RHBDL3: variants seen among roughly 807,000 people sequenced by gnomAD.
RHBDL3 encodes rhomboid like 3.
RHBDL3 carries 28 observed loss-of-function variants against 48.2 expected under a neutral mutation model. That is an observed-to-expected ratio of 0.58 (90% CI 0.43 to 0.80). RHBDL3 has a LOEUF of 0.80. Ranked by LOEUF, RHBDL3 falls within the 30% of genes least tolerant of loss-of-function variation. The probability of loss-of-function intolerance (pLI) is 0.00; values close to 1 mark genes in which losing one functional copy is unlikely to be tolerated. For missense variants in RHBDL3, 464 were observed against 542.7 expected (o/e 0.85, Z 1.44); for synonymous variants, 208 against 232.3 (o/e 0.90, Z 0.95).
In RHBDL3 at chr17:32,321,438, C is replaced by A; in HGVS notation, c.*209C>A. 1 of 1,424,944 alleles carries A rather than the reference C, an allele frequency of 7.0e-7. No individual in the cohort carries two copies. The highest frequency in any genetic ancestry group is 9.4e-7 in the Non-Finnish European group (1 of 1,059,126). The allele number at this position is 1,424,944 out of a possible 1,614,324, so 88.3% of individuals were successfully genotyped here. A position where few individuals can be genotyped will look rare whatever the true frequency, so the allele number is the denominator to read the frequency against. On this transcript the variant is annotated 3_prime_UTR_variant, in exon 9 of 9. Coordinates refer to ENST00000269051, the MANE Select transcript of RHBDL3 (RefSeq NM_138328.3). ...GCGGAGGAGTTGATGTGGCTGCTGT[C>A]GTTTTTCTCGGCTGCTCTGATGACA...
At chr17:32,284,414 T>G (rs952409219) in intron 2 of RHBDL3, 2 of 461,202 alleles carry the variant, frequency 4.3e-6, no homozygotes, top group Non-Finnish European at 7.7e-6. Context: ...TTAACCTCTC[T>G]GAGCCTCAGT....
chr17:32,267,583 T>G (rs2039667707), intron 1 of RHBDL3: 2 of 176,222 alleles, frequency 1.1e-5, no homozygotes. Flanking sequence ...TTGGACATAT[T>G]TGGACGCCTT....
intron 4 of RHBDL3, 29 bp downstream of exon 4, chr17:32,289,045 T>C: frequency 1.2e-6 from 2 of 1,601,454 alleles, no homozygotes; most frequent in Non-Finnish European, 1.7e-6. Context: ...AGGGGGTTGC[T>C]CTGCCTTGGG....
chr17:32,276,883 C>T (rs535138012), intron 2 of RHBDL3, among the ~76,000 whole-genome samples: 55 of 103,648 alleles, frequency 5.3e-4, no homozygotes, highest in African/African-American at 3.7e-3. Context: ...GTACTGCGGC[C>T]CTAGCACCTT....
intron 6 of RHBDL3, 136 bp downstream of exon 6, chr17:32,298,340 C>G (rs2040503483): frequency 1.7e-6 from 1 of 586,920 alleles, no homozygotes; most frequent in Admixed American, 3.0e-5. Flanking sequence ...CTTAACCAGG[C>G]TGTCCTCCAG....
At chr17:32,282,813 G>A (rs1257862862) in intron 2 of RHBDL3, among the ~76,000 whole-genome samples, 2 of 152,004 alleles carry the variant, frequency 1.3e-5, no homozygotes, top group Non-Finnish European at 2.9e-5. Flanking sequence ...TATTACAGAC[G>A]GGGTTTCACC....
chr17:32,299,895 G>A (rs142566279), intron 6 of RHBDL3, among the ~76,000 whole-genome samples: 1,739 of 152,340 alleles, frequency 0.011, 13 homozygotes, highest in Middle Eastern at 0.02. Flanking sequence ...CCATGATTGA[G>A]TTGATTGATC....
chr17:32,274,097 G>T (rs1230531396), intron 2 of RHBDL3, among the ~76,000 whole-genome samples: 2 of 152,192 alleles, frequency 1.3e-5, no homozygotes, highest in African/African-American at 4.8e-5. Flanking sequence ...ACCATATCAG[G>T]CTGCCTGCTT....
intron 7 of RHBDL3, 145 bp from the exon 8 acceptor site, chr17:32,316,087 T>A (rs2040966004): frequency 1.5e-6 from 1 of 661,318 alleles, no homozygotes; most frequent in East Asian, 2.6e-5. Flanking sequence ...CTCAAAGCCA[T>A]GTGGTGTGTT....
intron 4 of RHBDL3, among the ~76,000 whole-genome samples, chr17:32,294,057 G>C (rs2040393945): frequency 6.6e-6 from 1 of 151,830 alleles, no homozygotes; most frequent in Non-Finnish European, 1.5e-5. Flanking sequence ...GAACCCAGGA[G>C]GTGGAGGTTG....
At chr17:32,310,883 CAAAAAAA>C (rs11348841) in intron 7 of RHBDL3, among the ~76,000 whole-genome samples, 7 of 55,554 alleles carry the variant, frequency 1.3e-4, no homozygotes, top group Non-Finnish European at 2.1e-4. Context: ...GGCTCCATCT[CAAAAAAA>C]AAAAAAAAAA....
intron 2 of RHBDL3, among the ~76,000 whole-genome samples, chr17:32,276,795 C>CA (rs1567763618): frequency 2.0e-5 from 2 of 101,826 alleles, no homozygotes; most frequent in African/African-American, 1.5e-4. Flanking sequence ...GGCCCTAGCA[C>CA]CTTACTCCGG....
At chr17:32,293,303 C>T (rs1053246175) in intron 4 of RHBDL3, among the ~76,000 whole-genome samples, 11 of 151,110 alleles carry the variant, frequency 7.3e-5, no homozygotes, top group South Asian at 2.1e-4. Flanking sequence ...TGATTAAGGC[C>T]GGGCGCAGTG....
intron 2 of RHBDL3, among the ~76,000 whole-genome samples, chr17:32,274,360 G>C (rs1046220000): frequency 1.3e-5 from 2 of 152,188 alleles, no homozygotes; most frequent in Non-Finnish European, 2.9e-5. Context: ...AAACCAGTCC[G>C]TGTGTGGCTT....
intron 2 of RHBDL3, among the ~76,000 whole-genome samples, chr17:32,283,352 C>A (rs756809993): frequency 7.9e-6 from 1 of 126,484 alleles, no homozygotes; most frequent in Non-Finnish European, 1.6e-5. Context: ...GATGGAGTCT[C>A]GCTGTGTTGC....
chr17:32,274,042 C>T (rs1323154858), intron 2 of RHBDL3, among the ~76,000 whole-genome samples: 3 of 152,212 alleles, frequency 2.0e-5, no homozygotes, highest in African/African-American at 4.8e-5. Context: ...GGCCAGACCT[C>T]GGTCTTGAAT....
At chr17:32,273,820 C>T (rs1024737578) in intron 2 of RHBDL3, among the ~76,000 whole-genome samples, 2 of 152,236 alleles carry the variant, frequency 1.3e-5, no homozygotes, top group Non-Finnish European at 2.9e-5. Flanking sequence ...ACTGCAACCT[C>T]TGTCTTCCAG....
intron 2 of RHBDL3, among the ~76,000 whole-genome samples, chr17:32,275,146 C>T (rs1026453213): frequency 6.6e-6 from 1 of 152,080 alleles, no homozygotes; most frequent in Non-Finnish European, 1.5e-5. Context: ...AGAGATGGGG[C>T]GATGTCAGAT....
chr17:32,276,954 CCAGCCCTAGCACAGTACTG>C (rs2039928482), intron 2 of RHBDL3, among the ~76,000 whole-genome samples: 2 of 146,576 alleles, frequency 1.4e-5, no homozygotes, highest in South Asian at 4.3e-4. Context: ...GCACCTTACT[CCAGCCCTAGCACAGTACTG>C]CAGCCCTAGC....
Sources: gnomAD v4.1 joint callset for allele counts (sites outside exome capture counted in the v4.1 genomes callset) on GRCh38, gnomAD v4.1.1 for gene constraint, MANE v1.5 for transcripts, NCBI Gene and HGNC (gene_info 2026-07-23, HGNC 2026-07-21) for gene names.